MYO18B: variants seen among roughly 807,000 people sequenced by gnomAD.
The protein encoded by MYO18B is myosin XVIIIB.
In MYO18B, 204 loss-of-function variants were observed where a neutral mutation model predicts 273.0. That is an observed-to-expected ratio of 0.75 (90% confidence interval 0.67 to 0.84). MYO18B has a LOEUF of 0.84. Ranked by LOEUF, MYO18B falls within the 40% of genes least tolerant of loss-of-function variation. The pLI is 0.00. For synonymous variants in MYO18B, 1,330 were observed against 1,305.7 expected (o/e 1.02, Z -0.40); for missense variants, 3,212 against 3,287.6 (o/e 0.98, Z 0.56).
chr22:25,986,699 G>A (rs574449121), intron 39 of MYO18B, among the ~76,000 whole-genome samples: 19 of 152,284 alleles, frequency 1.2e-4, no homozygotes, highest in South Asian at 2.1e-4. Flanking sequence ...GATAAAGTAC[G>A]TGTTACAGGC....
chr22:25,987,202 T>G (rs2093211223), intron 39 of MYO18B, among the ~76,000 whole-genome samples: 1 of 152,210 alleles, frequency 6.6e-6, no homozygotes, highest in African/African-American at 2.4e-5. Context: ...AAGATTGAGA[T>G]GCTCTGGGCA....
Position 25,991,607 on chromosome 22 carries a change from C to T in MYO18B, c.6157-756C>T, listed in dbSNP as rs142427713. Among the ~76,000 whole-genome samples, 4 of 152,306 alleles carry T rather than the reference C, an allele frequency of 2.6e-5. No individual in the cohort carries two copies. The East Asian group carries it at 7.7e-4, about 29-fold the overall frequency. On this transcript the variant is annotated intron_variant, in intron 39 of 43. Coordinates refer to ENST00000335473, the MANE Select transcript of MYO18B (RefSeq NM_032608.7). ...GAAAAGTACCAGAAAGTATTGATCA[C>T]GAAGATGAGCACTGAGAGGGGCGTC...
chr22:25,950,593 C>CTCTTGTCTCA, intron 37 of MYO18B, 143 bp downstream of exon 37: 3 of 587,508 alleles, frequency 5.1e-6, no homozygotes, highest in Non-Finnish European at 8.3e-6. Context: ...ATTTTTGAGA[C>CTCTTGTCTCA]AAGAGTCTCA....
chr22:25,761,342 G>GC (rs1363842465), intron 2 of MYO18B, among the ~76,000 whole-genome samples: 9 of 41,820 alleles, frequency 2.2e-4, no homozygotes, highest in African/African-American at 2.8e-4. Flanking sequence ...TACCCTTGAC[G>GC]CCCCCCCGAG....
intron 11 of MYO18B, among the ~76,000 whole-genome samples, chr22:25,793,518 C>T (rs573281015): frequency 8.5e-5 from 13 of 152,186 alleles, no homozygotes; most frequent in Non-Finnish European, 1.6e-4. Context: ...GGATGACAGG[C>T]ATGAGCCACC....
intron 28 of MYO18B, 135 bp from the exon 29 acceptor site, chr22:25,898,172 A>G: frequency 1.0e-6 from 1 of 982,258 alleles, no homozygotes; most frequent in East Asian, 2.7e-5. Context: ...GAAGGTAGTC[A>G]AGACAGGGTC....
intron 10 of MYO18B, among the ~76,000 whole-genome samples, chr22:25,782,756 C>G (rs2145671550): frequency 6.7e-6 from 1 of 149,862 alleles, no homozygotes; most frequent in South Asian, 2.1e-4. Flanking sequence ...CTGGCTAAGG[C>G]TGGAGGGACA....
At chr22:25,816,613 G>C (rs759714299) in intron 12 of MYO18B, among the ~76,000 whole-genome samples, 4 of 151,718 alleles carry the variant, frequency 2.6e-5, no homozygotes, top group Admixed American at 6.6e-5. Context: ...CTGTCCTTGC[G>C]ATAGTTTGCT....
chr22:25,979,597 C>G (rs941103353), intron 39 of MYO18B, among the ~76,000 whole-genome samples: 4 of 152,116 alleles, frequency 2.6e-5, no homozygotes, highest in African/African-American at 9.7e-5. Context: ...GATGGCTATT[C>G]TTTGCCCCTT....
At chr22:26,047,612 G>A in the MYO18B span, among the ~76,000 whole-genome samples, 1 of 152,112 alleles carries the variant, frequency 6.6e-6, no homozygotes, top group African/African-American at 2.4e-5. Flanking sequence ...AAAGTTTCAA[G>A]TGACCAGTCC....
intron 21 of MYO18B, among the ~76,000 whole-genome samples, chr22:25,865,929 C>G (rs1210142148): frequency 6.6e-6 from 1 of 152,012 alleles, no homozygotes; most frequent in Non-Finnish European, 1.5e-5. Context: ...TTTCTACCAC[C>G]TACAGCTCCC....
chr22:25,813,339 C>T lies in MYO18B; in HGVS notation c.2522-10166C>T, dbSNP rs185539690. Reference sequence around the variant, plus strand: ...AGCTGGGATTACAGGCATGAGCCACCGCACCCTGTCCCTCTCCCTTCTTTT... The same window carrying T: ...AGCTGGGATTACAGGCATGAGCCACTGCACCCTGTCCCTCTCCCTTCTTTT... On this transcript the variant is annotated intron_variant, in intron 12 of 43. Coordinates refer to ENST00000335473, the MANE Select transcript of MYO18B (RefSeq NM_032608.7). 1.2e-3 allele frequency among the ~76,000 whole-genome samples: 176 copies of T among 152,118 alleles called. 1 individual carries two copies. In the Middle Eastern group the frequency reaches 0.014, roughly 12 times the overall value.
intron 42 of MYO18B, among the ~76,000 whole-genome samples, chr22:26,005,148 A>G (rs1934318007): frequency 6.6e-6 from 1 of 152,234 alleles, no homozygotes; most frequent in Non-Finnish European, 1.5e-5. Context: ...ATGGTTTTCC[A>G]GATTTTTAAA....
At chr22:25,800,203 T>A (rs1231026846) in intron 12 of MYO18B, among the ~76,000 whole-genome samples, 1 of 150,944 alleles carries the variant, frequency 6.6e-6, no homozygotes, top group Non-Finnish European at 1.5e-5. Context: ...TAAGAGGGGG[T>A]GAAGGATAAA....
At chr22:25,828,434 A>G (rs1218807893) in intron 14 of MYO18B, among the ~76,000 whole-genome samples, 2 of 152,210 alleles carry the variant, frequency 1.3e-5, no homozygotes, top group African/African-American at 4.8e-5. Flanking sequence ...TTTGATTTTA[A>G]TAGGCCTCTG....
In MYO18B at chr22:25,857,006, C is replaced by T. The variant is rs140048792; in HGVS notation, c.3885+5427C>T. ...TGACCTCTGGCTATTCCAGAGGCCC[C>T]TGTCTCCTCTAGACACCCAGGCACA... On this transcript the variant is annotated intron_variant, in intron 21 of 43. Coordinates refer to ENST00000335473, the MANE Select transcript of MYO18B (RefSeq NM_032608.7). Among the ~76,000 whole-genome samples the T allele has an allele frequency of 7.2e-5, 11 of 152,278 alleles. No homozygotes were observed. In the East Asian group the frequency reaches 1.9e-3, roughly 27 times the overall value.
the MYO18B span, among the ~76,000 whole-genome samples, chr22:26,056,009 T>TA: frequency 8.1e-4 from 119 of 146,886 alleles, no homozygotes; most frequent in South Asian, 2.4e-3. Context: ...CTTGGATTAA[T>TA]AAAAAAAAAA....
chr22:25,826,285 G>T, intron 13 of MYO18B, 124 bp from the exon 14 acceptor site: 1 of 658,194 alleles, frequency 1.5e-6, no homozygotes, highest in Non-Finnish European at 2.6e-6. Context: ...AATTTTAGCA[G>T]TGGAGGGATG....
In MYO18B at chr22:25,947,535, CA is replaced by C. The variant is rs1569223366; in HGVS notation, c.5632-176del. Among the ~76,000 whole-genome samples, 333 of 144,504 alleles carry C rather than the reference CA, an allele frequency of 2.3e-3. 2 individuals are homozygous for C. Among genetic ancestry groups the C allele is most frequent in the African/African-American group, 6.1e-3 (221 of 35,972 alleles). The allele number at this position is 144,504 out of a possible 152,430, so 94.8% of individuals were successfully genotyped here. A position where few individuals can be genotyped will look rare whatever the true frequency, so the allele number is the denominator to read the frequency against. ...ACACACACACACACACACACACACACACACACACCAAGCTGTTATACCTACC... is the reference window on the plus strand; with the variant it reads ...ACACACACACACACACACACACACACCACACACCAAGCTGTTATACCTACC... On this transcript the variant is annotated intron_variant, in intron 35 of 43. Coordinates refer to ENST00000335473, the MANE Select transcript of MYO18B (RefSeq NM_032608.7).
Sources: allele counts gnomAD v4.1 joint callset (sites outside exome capture counted in the v4.1 genomes callset), GRCh38; gene constraint gnomAD v4.1.1; transcripts MANE v1.5; gene names NCBI Gene and HGNC (gene_info 2026-07-23, HGNC 2026-07-21).